FGF12: variants seen among roughly 807,000 people sequenced by gnomAD.
FGF12 encodes the protein fibroblast growth factor 12B.
FGF12 carries 14 observed loss-of-function variants against 23.6 expected under a neutral mutation model. The observed-to-expected ratio is 0.59, with a 90% CI of 0.39 to 0.93. FGF12 has a LOEUF of 0.93. Ranked by LOEUF, FGF12 falls within the 40% of genes least tolerant of loss-of-function variation. The pLI, the probability that FGF12 is intolerant of heterozygous loss-of-function variation, is 0.00. For synonymous variants in FGF12, 62 were observed against 77.3 expected (o/e 0.80, Z 1.04); for missense variants, 175 against 217.8 (o/e 0.80, Z 1.24).
intron 2 of FGF12, among the ~76,000 whole-genome samples, chr3:192,710,961 C>G (rs377580432): frequency 6.6e-6 from 1 of 152,132 alleles, no homozygotes; most frequent in Non-Finnish European, 1.5e-5. Context: ...CCTAAAGATA[C>G]GGACCTCAGG....
intron 2 of FGF12, among the ~76,000 whole-genome samples, chr3:192,557,496 A>T (rs1196785684): frequency 6.6e-6 from 1 of 151,966 alleles, no homozygotes; most frequent in Non-Finnish European, 1.5e-5. Context: ...CTTAAAGAAG[A>T]ATTAATATCA....
chr3:192,603,639 C>G (rs552147892), intron 2 of FGF12, among the ~76,000 whole-genome samples: 1 of 152,140 alleles, frequency 6.6e-6, no homozygotes, highest in South Asian at 2.1e-4. Flanking sequence ...AGCCTCAAAA[C>G]CAGCAGGTTT....
At chr3:192,287,516 A>G (rs2108646073) in intron 4 of FGF12, among the ~76,000 whole-genome samples, 1 of 152,172 alleles carries the variant, frequency 6.6e-6, no homozygotes, top group South Asian at 2.1e-4. Context: ...AGCAACCATG[A>G]GAAAAGCTCC....
intron 2 of FGF12, among the ~76,000 whole-genome samples, chr3:192,642,521 T>C (rs1715845006): frequency 6.6e-6 from 1 of 152,256 alleles, no homozygotes; most frequent in Non-Finnish European, 1.5e-5. Context: ...GGAATAACTT[T>C]TGTCTCTGGC....
chr3:192,727,537 G>A lies in FGF12; in HGVS notation c.-184C>T. ...GTCCTCCGAGCGTGGTGCTGCAGGT[G>A]TAGTGACAGATCATCCCACTTTGCT... is the stretch of plus-strand genomic sequence containing the variant. On this transcript the variant is annotated 5_prime_UTR_variant, in exon 1 of 6. Coordinates refer to ENST00000445105, the MANE Select transcript of FGF12 (RefSeq NM_004113.6). 2.1e-6 allele frequency: 1 copy of A among 477,634 alleles called. No homozygotes were observed. Among genetic ancestry groups the A allele is most frequent in the South Asian group, 2.3e-5 (1 of 43,764 alleles). 29.6% of individuals were successfully genotyped at this position (477,634 alleles called of 1,614,324 possible). A position where few individuals can be genotyped will look rare whatever the true frequency, so the allele number is the denominator to read the frequency against.
chr3:192,615,734 T>C (rs1714730770), intron 2 of FGF12, among the ~76,000 whole-genome samples: 1 of 152,036 alleles, frequency 6.6e-6, no homozygotes, highest in Admixed American at 6.6e-5. Flanking sequence ...AAGAAGATAA[T>C]GGTAAAATAA....
chr3:192,614,557 A>G (rs1714675288), intron 2 of FGF12, among the ~76,000 whole-genome samples: 1 of 152,034 alleles, frequency 6.6e-6, no homozygotes, highest in Admixed American at 6.6e-5. Context: ...ATTACCTTAG[A>G]TACATGAACA....
intron 4 of FGF12, among the ~76,000 whole-genome samples, chr3:192,196,067 T>G (rs111336046): frequency 8.3e-4 from 127 of 152,270 alleles, no homozygotes; most frequent in African/African-American, 3.0e-3. Context: ...TCTACTTCTA[T>G]GAGTTTAGAG....
chr3:192,289,603 GCAAA>G (rs1714649419), intron 4 of FGF12, among the ~76,000 whole-genome samples: 1 of 152,226 alleles, frequency 6.6e-6, no homozygotes, highest in South Asian at 2.1e-4. Flanking sequence ...GAAGAGAAGA[GCAAA>G]CAATCCAGAG....
chr3:192,315,083 A>C lies in FGF12; in HGVS notation c.228+20278T>G, dbSNP rs1452788391. Among the ~76,000 whole-genome samples the C allele has an allele frequency of 3.9e-5, 6 of 152,258 alleles. No homozygotes were observed. In the South Asian group the frequency reaches 1.2e-3, roughly 32 times the overall value. ...GCTGGCTGAAAGGTATGTCACTTAA[A>C]TTCTATATATTCCCCTAACATAACT... is the stretch of plus-strand genomic sequence containing the variant. On this transcript the variant is annotated intron_variant, in intron 4 of 5. Coordinates refer to ENST00000445105, the MANE Select transcript of FGF12 (RefSeq NM_004113.6).
intron 3 of FGF12, among the ~76,000 whole-genome samples, chr3:192,337,644 A>G (rs1717485403): frequency 6.6e-6 from 1 of 152,112 alleles, no homozygotes; most frequent in Non-Finnish European, 1.5e-5. Context: ...TATTCATTTA[A>G]CTTCTCTGCC....
chr3:192,230,413 C>T (rs978778357), intron 4 of FGF12, among the ~76,000 whole-genome samples: 41 of 152,110 alleles, frequency 2.7e-4, no homozygotes, highest in Non-Finnish European at 5.9e-5. Context: ...AAATTTTAGA[C>T]TGCACATTTC....
intron 2 of FGF12, among the ~76,000 whole-genome samples, chr3:192,667,503 G>A (rs193270892): frequency 8.9e-4 from 135 of 151,024 alleles, no homozygotes; most frequent in African/African-American, 3.1e-3. Context: ...TCAGCTACCC[G>A]GAAGGCTGCG....
At chr3:192,236,963 G>T (rs1719333438) in intron 4 of FGF12, among the ~76,000 whole-genome samples, 1 of 152,082 alleles carries the variant, frequency 6.6e-6, no homozygotes, top group South Asian at 2.1e-4. Flanking sequence ...TTTTGTGGTG[G>T]CAGGTAATCA....
At chr3:192,561,870 G>C (rs1040804040) in intron 2 of FGF12, among the ~76,000 whole-genome samples, 1 of 150,024 alleles carries the variant, frequency 6.7e-6, no homozygotes, top group African/African-American at 2.5e-5. Context: ...TTTTACACAA[G>C]AGAAGTTAAA....
chr3:192,251,364 T>C (rs1009007668), intron 4 of FGF12, among the ~76,000 whole-genome samples: 3 of 152,188 alleles, frequency 2.0e-5, no homozygotes, highest in African/African-American at 4.8e-5. Flanking sequence ...TATTGTACTA[T>C]TACATTCCTA....
At chr3:192,434,455 C>T (rs1275801701) in intron 2 of FGF12, among the ~76,000 whole-genome samples, 2 of 152,188 alleles carry the variant, frequency 1.3e-5, no homozygotes, top group Admixed American at 6.5e-5. Flanking sequence ...ACACTTTTTA[C>T]CAGTGTGCTA....
intron 4 of FGF12, among the ~76,000 whole-genome samples, chr3:192,206,339 T>A (rs1026258483): frequency 5.3e-5 from 8 of 152,174 alleles, no homozygotes; most frequent in African/African-American, 1.9e-4. Context: ...TAGCCTGAAA[T>A]CAGATATGAG....
intron 3 of FGF12, among the ~76,000 whole-genome samples, chr3:192,345,634 C>A (rs1405970109): frequency 2.3e-5 from 1 of 42,772 alleles, no homozygotes; most frequent in Non-Finnish European, 3.4e-5. Context: ...TTGCAGTGAG[C>A]CGAGATCGCG....
Sources: gnomAD v4.1 joint callset for allele counts (sites outside exome capture counted in the v4.1 genomes callset) on GRCh38, gnomAD v4.1.1 for gene constraint, MANE v1.5 for transcripts, NCBI Gene and HGNC (gene_info 2026-07-23, HGNC 2026-07-21) for gene names.